Variants in SCAF8 observed in about 807,000 individuals in gnomAD.
SCAF8 encodes the protein SR-related and CTD-associated factor 8.
SCAF8 carries 23 observed loss-of-function variants against 140.5 expected under a neutral mutation model. The ratio of observed to expected loss-of-function variants is 0.16; its 90% CI spans 0.12 to 0.23. SCAF8 has a LOEUF of 0.23. SCAF8 is among the 10% of genes least tolerant of loss of function. The pLI is 1.00. For missense variants in SCAF8, 1,397 were observed against 1,555.7 expected, an observed-to-expected ratio of 0.90 and a Z score of 1.72; for synonymous variants, 575 against 528.9, an observed-to-expected ratio of 1.09 and a Z score of -1.20.
At chr6:154,753,052 G>T (rs1778878802) in intron 1 of SCAF8, among the ~76,000 whole-genome samples, 1 of 152,006 alleles carries the variant, frequency 6.6e-6, no homozygotes, top group Non-Finnish European at 1.5e-5. Flanking sequence ...AAGTGGGCCG[G>T]GCATGGTGGC....
chr6:154,826,530 T>G (rs1289920601), intron 17 of SCAF8, among the ~76,000 whole-genome samples: 1 of 152,208 alleles, frequency 6.6e-6, no homozygotes, highest in Non-Finnish European at 1.5e-5. Flanking sequence ...TAGTTGAATG[T>G]AATGGTAGCT....
At chr6:154,749,482 C>T (rs910679509) in intron 1 of SCAF8, among the ~76,000 whole-genome samples, 2 of 152,126 alleles carry the variant, frequency 1.3e-5, no homozygotes, top group African/African-American at 4.8e-5. Flanking sequence ...GCCTTTTCCT[C>T]AGCAAGCTCT....
intron 9 of SCAF8, among the ~76,000 whole-genome samples, chr6:154,806,431 A>G (rs959047978): frequency 6.6e-6 from 1 of 152,196 alleles, no homozygotes; most frequent in Non-Finnish European, 1.5e-5. Context: ...ATATCACAAA[A>G]TATTTTTGAG....
intron 1 of SCAF8, among the ~76,000 whole-genome samples, chr6:154,754,124 T>C (rs1778908272): frequency 6.6e-6 from 1 of 152,232 alleles, no homozygotes; most frequent in South Asian, 2.1e-4. Context: ...GAAAGGGAGC[T>C]TAAGAGTTTG....
Position 154,824,297 on chromosome 6 carries a change from C to G in SCAF8, c.1990C>G (p.Pro664Ala), listed in dbSNP as rs769504406. Residue 664 changes from proline to alanine, a missense_variant, in exon 17 of 20, where the codon CCG becomes GCG. Transcript: ENST00000367178. ...LVPPAFPVSM[P>A]VPPPGFSPIP... is the part of the protein sequence containing the mutation. ...CCCACCAGCATTTCCTGTGTCGATG[C>G]CGGTTCCTCCTCCTGGATTCAGTCC... is the stretch of plus-strand genomic sequence containing the variant. 2.5e-6 allele frequency: 4 copies of G among 1,614,010 alleles called. No homozygotes were observed. Among genetic ancestry groups the G allele is most frequent in the Non-Finnish European group, 3.4e-6 (4 of 1,179,874 alleles).
At chr6:154,745,680 T>C (rs1187731911) in intron 1 of SCAF8, among the ~76,000 whole-genome samples, 2 of 152,206 alleles carry the variant, frequency 1.3e-5, no homozygotes, top group Non-Finnish European at 2.9e-5. Context: ...GGAGATACTT[T>C]GATGCAAATA....
chr6:154,810,826 G>T (rs1778068471), intron 12 of SCAF8, among the ~76,000 whole-genome samples: 2 of 152,066 alleles, frequency 1.3e-5, no homozygotes, highest in African/African-American at 4.8e-5. Context: ...GGTGGGTTAT[G>T]ACTTTTAAGA....
chr6:154,757,181 G>T (rs1366853805), intron 1 of SCAF8, among the ~76,000 whole-genome samples: 1 of 152,184 alleles, frequency 6.6e-6, no homozygotes, highest in African/African-American at 2.4e-5. Flanking sequence ...TTTTACTAGA[G>T]ATGGGGTTTT....
At chr6:154,760,800 T>C (rs1396096105) in intron 1 of SCAF8, among the ~76,000 whole-genome samples, 3 of 152,160 alleles carry the variant, frequency 2.0e-5, no homozygotes, top group Non-Finnish European at 2.9e-5. Context: ...TAAAAATTTT[T>C]TTAGAGACCG....
At chr6:154,803,513 T>C (rs148942593) in intron 7 of SCAF8, 31 bp from the exon 8 acceptor site, 74 of 1,520,466 alleles carry the variant, frequency 4.9e-5, no homozygotes, top group Non-Finnish European at 6.3e-5. Context: ...AAGCACTTTT[T>C]AATATGTCTG....
chr6:154,740,765 C>T (rs567700541), intron 1 of SCAF8, among the ~76,000 whole-genome samples: 3 of 151,964 alleles, frequency 2.0e-5, no homozygotes, highest in African/African-American at 7.2e-5. Flanking sequence ...ACCACAGGCA[C>T]GCACCTCCAT....
chr6:154,826,261 C>A (rs1210345845), intron 17 of SCAF8, among the ~76,000 whole-genome samples: 2 of 151,926 alleles, frequency 1.3e-5, no homozygotes, highest in Non-Finnish European at 2.9e-5. Context: ...GTGATTATTT[C>A]AAAAATCATA....
At chr6:154,806,603 T>C (rs1777921788) in intron 9 of SCAF8, among the ~76,000 whole-genome samples, 2 of 152,132 alleles carry the variant, frequency 1.3e-5, no homozygotes, top group African/African-American at 2.4e-5. Flanking sequence ...TCTAGGAGCA[T>C]GGAGGGGGGA....
chr6:154,774,137 G>A, intron 2 of SCAF8, 65 bp downstream of exon 2: 2 of 1,059,922 alleles, frequency 1.9e-6, no homozygotes, highest in Non-Finnish European at 1.4e-6. Flanking sequence ...TTGGATGGGG[G>A]ATAATTTTTT....
intron 3 of SCAF8, among the ~76,000 whole-genome samples, chr6:154,781,748 G>A (rs1562442785): frequency 6.6e-6 from 1 of 152,156 alleles, no homozygotes; most frequent in Non-Finnish European, 1.5e-5. Flanking sequence ...AAGCTGCTAG[G>A]AACACTTGTA....
intron 3 of SCAF8, among the ~76,000 whole-genome samples, chr6:154,785,198 G>C (rs1173598984): frequency 6.6e-6 from 1 of 152,204 alleles, no homozygotes; most frequent in Non-Finnish European, 1.5e-5. Flanking sequence ...ATCTGTTGCT[G>C]TATATTTTCC....
At chr6:154,733,400 C>A, upstream of SCAF8, 3 of 1,384,280 alleles carry the variant, frequency 2.2e-6, no homozygotes, top group South Asian at 4.7e-5. Flanking sequence ...ACTGCGCGGC[C>A]CGACTCGAGT....
Position 154,802,030 on chromosome 6 carries a change from G to C in SCAF8, c.666G>C (p.Leu222=), listed in dbSNP as rs758674923. 2 of 1,612,024 alleles carry C rather than the reference G, an allele frequency of 1.2e-6. No individual in the cohort carries two copies. Among genetic ancestry groups the C allele is most frequent in the South Asian group, 2.2e-5 (2 of 90,810 alleles). The change falls in exon 7 of 20, where the codon CTG becomes CTC. Residue 222 remains leucine (L), a synonymous_variant. Transcript: ENST00000367178. The part of the protein sequence containing the change: ...IQQQKPQPSI[L]QALDAGLVVQ... The stretch of plus-strand genomic sequence containing the variant: ...AACAGAAGCCCCAGCCTTCCATTCT[G>C]CAGGCCCTAGATGCTGGTCTTGTTG...
intron 1 of SCAF8, among the ~76,000 whole-genome samples, chr6:154,737,911 T>TA (rs1414484570): frequency 2.0e-5 from 3 of 152,156 alleles, no homozygotes; most frequent in Admixed American, 6.6e-5. Flanking sequence ...ACAAAATACT[T>TA]AACCTTTTAT....
Sources: allele counts gnomAD v4.1 joint callset (sites outside exome capture counted in the v4.1 genomes callset), GRCh38; gene constraint gnomAD v4.1.1; transcripts MANE v1.5; gene names NCBI Gene and HGNC (gene_info 2026-07-23, HGNC 2026-07-21).